Variants in MCPH1 observed in about 807,000 individuals in gnomAD.
MCPH1 encodes microcephalin 1.
MCPH1 carries 104 observed loss-of-function variants against 84.5 expected under a neutral mutation model. The observed-to-expected ratio is 1.23, with a 90% CI of 1.05 to 1.45. The LOEUF (loss-of-function observed/expected upper bound fraction) is 1.45. MCPH1 is among the 40% of genes most tolerant of loss of function. MCPH1 has a pLI of 0.00. For missense variants in MCPH1, 1,498 were observed against 1,005.7 expected (o/e 1.49, Z -6.62); for synonymous variants, 514 against 366.8 (o/e 1.40, Z -4.58).
At position 6,623,013 on chromosome 8, in the gene MCPH1, C is replaced by CTTTTTTT. The variant is rs1164226735; in HGVS notation, c.2452+1336_2452+1342dup. Among the ~76,000 whole-genome samples the CTTTTTTT allele has an allele frequency of 1.9e-4, 21 of 109,888 alleles. 1 individual carries two copies. The highest frequency in any genetic ancestry group is 5.4e-4 in the African/African-American group (15 of 27,926). The allele number at this position is 109,888 out of a possible 152,430, so 72.1% of individuals were successfully genotyped here. A position where few individuals can be genotyped will look rare whatever the true frequency, so the allele number is the denominator to read the frequency against. ...ACACCACGATGCCCAGCTTTACTTT[C>CTTTTTTT]TTTTTTTTTTTTTTTTTTTTGTAGA... On this transcript the variant is annotated intron_variant, in intron 13 of 13. Coordinates refer to ENST00000344683, the MANE Select transcript of MCPH1 (RefSeq NM_024596.5).
chr8:6,476,796 A>G (rs1477358100), intron 9 of MCPH1, among the ~76,000 whole-genome samples: 1 of 152,204 alleles, frequency 6.6e-6, no homozygotes, highest in African/African-American at 2.4e-5. Flanking sequence ...CATTTGAAGT[A>G]TTTCATGTAA....
In MCPH1 at chr8:6,444,770, A is replaced by T; in HGVS notation, c.1048A>T (p.Arg350Trp). 2 of 1,614,134 alleles carry T rather than the reference A, an allele frequency of 1.2e-6. No individual in the cohort carries two copies. Among genetic ancestry groups the T allele is most frequent in the Non-Finnish European group, 1.7e-6 (2 of 1,180,000 alleles). ...KGHLLIHSRP[R>W]SSSVKRKRVS... ...CCACCTTTTGATACATTCAAGACCC[A>T]GGAGTTCCTCAGTAAAGAGAAAAAG... Residue 350 changes from arginine to tryptophan, a missense_variant, in exon 8 of 14, where the codon AGG becomes TGG. Arg to Trp is a moderately radical substitution (Grantham distance 101). Transcript: ENST00000344683.
At chr8:6,492,760 A>G (rs867536901) in intron 11 of MCPH1, among the ~76,000 whole-genome samples, 27 of 149,474 alleles carry the variant, frequency 1.8e-4, no homozygotes, top group African/African-American at 5.4e-4. Flanking sequence ...ATTTAATATT[A>G]TAAAATTAAT....
intron 9 of MCPH1, chr8:6,477,300 A>G: frequency 2.5e-6 from 1 of 392,196 alleles, no homozygotes; most frequent in Non-Finnish European, 4.6e-6. Context: ...ACGTTGACAC[A>G]CTTGGAGGTC....
intron 12 of MCPH1, among the ~76,000 whole-genome samples, chr8:6,569,887 G>C (rs923991044): frequency 3.3e-5 from 5 of 152,202 alleles, no homozygotes; most frequent in Non-Finnish European, 7.3e-5. Context: ...TCTTGAGCTG[G>C]AGCCACTGGG....
At chr8:6,516,794 T>C (rs2515430) in intron 12 of MCPH1, among the ~76,000 whole-genome samples, 9,216 of 152,260 alleles carry the variant, frequency 0.061, 311 homozygotes, top group African/African-American at 0.079. Context: ...GTGTCAAAAT[T>C]ACTGCTATGA....
chr8:6,646,396 G>C lies in MCPH1; in HGVS notation c.*3347G>C, dbSNP rs562257849. On this transcript the variant is annotated 3_prime_UTR_variant, in exon 14 of 14. Transcript: ENST00000344683. ...CAACAAGAACAAAAGTATCACATTG[G>C]CATAAGAATAGACATGTAAATCAAA... The C allele has an allele frequency of 1.3e-5, 2 of 152,250 alleles. No homozygotes were observed. The highest frequency in any genetic ancestry group is 4.8e-5 in the African/African-American group (2 of 41,538). 9.4% of individuals were successfully genotyped at this position (152,250 alleles called of 1,614,324 possible).
At chr8:6,569,401 A>C (rs17063453) in intron 12 of MCPH1, among the ~76,000 whole-genome samples, 20,205 of 152,182 alleles carry the variant, frequency 0.13, 2,077 homozygotes, top group African/African-American at 0.28. Flanking sequence ...TTGCTGCATC[A>C]ACCATTTCCA....
intron 12 of MCPH1, among the ~76,000 whole-genome samples, chr8:6,568,475 G>A (rs752324168): frequency 1.3e-5 from 2 of 152,280 alleles, no homozygotes; most frequent in Middle Eastern, 3.4e-3. Context: ...TGTGGGCCCC[G>A]TGACCCCTGC....
intron 12 of MCPH1, among the ~76,000 whole-genome samples, chr8:6,577,991 G>A (rs1488429860): frequency 6.6e-6 from 1 of 152,214 alleles, no homozygotes; most frequent in Admixed American, 6.5e-5. Flanking sequence ...GAGACAGCGG[G>A]ATGTCCTGCA....
At chr8:6,518,563 T>C (rs1816733327) in intron 12 of MCPH1, among the ~76,000 whole-genome samples, 1 of 152,248 alleles carries the variant, frequency 6.6e-6, no homozygotes, top group Non-Finnish European at 1.5e-5. Context: ...AAGATACATG[T>C]TACTGTTTCA....
At chr8:6,593,522 T>A (rs185719733) in intron 12 of MCPH1, among the ~76,000 whole-genome samples, 1 of 152,040 alleles carries the variant, frequency 6.6e-6, no homozygotes, top group Non-Finnish European at 1.5e-5. Flanking sequence ...GCCTGGCTAA[T>A]TTTGTATTTT....
At chr8:6,499,683 A>T in intron 11 of MCPH1, 169 bp from the exon 12 acceptor site, 2 of 605,912 alleles carry the variant, frequency 3.3e-6, no homozygotes, top group Non-Finnish European at 5.9e-6. Context: ...TAATATTCAT[A>T]ACATTTATGC....
At chr8:6,469,986 A>G (rs1807497485) in intron 9 of MCPH1, among the ~76,000 whole-genome samples, 1 of 152,084 alleles carries the variant, frequency 6.6e-6, no homozygotes, top group South Asian at 2.1e-4. Context: ...TTGCCTTTGG[A>G]TGCGCCTAAC....
chr8:6,553,762 A>T (rs1824099098), intron 12 of MCPH1, among the ~76,000 whole-genome samples: 1 of 151,298 alleles, frequency 6.6e-6, no homozygotes, highest in African/African-American at 2.4e-5. Flanking sequence ...CAGTTTCCCC[A>T]TCCCCTTTTG....
intron 12 of MCPH1, among the ~76,000 whole-genome samples, chr8:6,520,436 G>C (rs752764585): frequency 6.6e-6 from 1 of 152,094 alleles, no homozygotes; most frequent in Non-Finnish European, 1.5e-5. Flanking sequence ...ATCCCACTGA[G>C]GACATAGTGG....
intron 12 of MCPH1, among the ~76,000 whole-genome samples, chr8:6,520,718 C>A (rs117372330): frequency 6.6e-6 from 1 of 152,070 alleles, no homozygotes; most frequent in Non-Finnish European, 1.5e-5. Flanking sequence ...ATATAAGAGA[C>A]GCTGCAAAGT....
At position 6,644,853 on chromosome 8, in the gene MCPH1, T is replaced by C. The variant is rs780182680; in HGVS notation, c.*1804T>C. 2 of 152,204 alleles carry C rather than the reference T, an allele frequency of 1.3e-5. No homozygotes were observed. Among genetic ancestry groups the C allele is most frequent in the South Asian group, 2.1e-4 (1 of 4,830 alleles). 9.4% of individuals were successfully genotyped at this position (152,204 alleles called of 1,614,324 possible). ...AGAAGGGAGGTAGCAGTGCATTGTA[T>C]AGGAATTGGCATTCTATAGAAAACC... On this transcript the variant is annotated 3_prime_UTR_variant, in exon 14 of 14. Coordinates refer to ENST00000344683, the MANE Select transcript of MCPH1 (RefSeq NM_024596.5).
chr8:6,484,325 C>T (rs533337522), intron 11 of MCPH1, among the ~76,000 whole-genome samples: 1 of 152,282 alleles, frequency 6.6e-6, no homozygotes, highest in East Asian at 1.9e-4. Flanking sequence ...CATTATTGCT[C>T]ACTTCAGAAA....
Sources: allele counts gnomAD v4.1 joint callset (sites outside exome capture counted in the v4.1 genomes callset), GRCh38; gene constraint gnomAD v4.1.1; transcripts MANE v1.5; gene names NCBI Gene and HGNC (gene_info 2026-07-23, HGNC 2026-07-21).